The following FBH1 variants were observed in gnomAD, a reference collection of about 807,000 sequenced individuals.
FBH1 encodes the protein F-box DNA helicase 1.
In FBH1, 43 loss-of-function variants were observed where a neutral mutation model predicts 115.5. That is an observed-to-expected ratio of 0.37 (90% confidence interval 0.29 to 0.48). FBH1 has a LOEUF of 0.48. Among genes scored for constraint, FBH1 ranks in the 20% least tolerant of loss-of-function variants. The pLI is 0.99. For missense variants in FBH1, 1,001 were observed against 1,337.3 expected (o/e 0.75, Z 3.92); for synonymous variants, 524 against 507.8 (o/e 1.03, Z -0.43).
rs1469364847 is a variant in FBH1 at position 5,924,835 on chromosome 10, G to T, written c.2596+327G>T. ...CCCACCTCGACCTCCCAAAGTGCTAGAATTACAGGCGTGAGCCACTGCGCC... is the reference window on the plus strand; with the variant it reads ...CCCACCTCGACCTCCCAAAGTGCTATAATTACAGGCGTGAGCCACTGCGCC... On this transcript the variant is annotated intron_variant, in intron 17 of 20. Transcript: ENST00000362091. This position sits in a 1 kb window ranked among gnomAD's most constrained non-coding sequence, Gnocchi z 6.2. 4 of 451,112 alleles carry T rather than the reference G, an allele frequency of 8.9e-6. No individual in the cohort carries two copies. The highest frequency in any genetic ancestry group is 8.0e-5 in the African/African-American group (4 of 50,280). The allele number at this position is 451,112 out of a possible 1,614,324, so 27.9% of individuals were successfully genotyped here. A position where few individuals can be genotyped will look rare whatever the true frequency, so the allele number is the denominator to read the frequency against.
upstream of FBH1, chr10:5,890,030 A>C: frequency 3.7e-6 from 1 of 270,956 alleles, no homozygotes; most frequent in Non-Finnish European, 6.9e-6. Flanking sequence ...CCCGAGCGGA[A>C]GCGCGGATGG....
rs1055383533 is a variant in FBH1, at chr10:5,924,109, C to T, written c.2399-202C>T. On this transcript the variant is annotated intron_variant, in intron 16 of 20. Coordinates refer to ENST00000362091, the MANE Select transcript of FBH1 (RefSeq NM_178150.3). The surrounding 1 kb of genome is among the most constrained non-coding windows in gnomAD (Gnocchi z 6.2). ...ATCTTGAGCCGAGGGCTTTGCTCCT[C>T]AGTCGGAGACGGAGAGGCTACTGCA... 7 of 599,018 alleles carry T rather than the reference C, an allele frequency of 1.2e-5. No homozygotes were observed. Among genetic ancestry groups the T allele is most frequent in the African/African-American group, 7.4e-5 (4 of 53,844 alleles). 37.1% of individuals were successfully genotyped at this position (599,018 alleles called of 1,614,324 possible).
chr10:5,924,328 G>A lies in FBH1; in HGVS notation c.2416G>A (p.Asp806Asn), dbSNP rs767890181. 1.2e-6 allele frequency: 2 copies of A among 1,614,228 alleles called. No individual in the cohort carries two copies. Among genetic ancestry groups the A allele is most frequent in the South Asian group, 2.2e-5 (2 of 91,086 alleles). Residue 806 changes from aspartate to asparagine, a missense_variant, in exon 17 of 21, where the codon GAC becomes AAC. By Grantham distance (23) the Asp-to-Asn change is conservative (BLOSUM62 1). Coordinates refer to ENST00000362091, the MANE Select transcript of FBH1 (RefSeq NM_178150.3). This position sits in a 1 kb window ranked among gnomAD's most constrained non-coding sequence, Gnocchi z 6.2. Reference protein sequence around the residue: ...ERRKQNLVIKDKFIRRWVHKE... With the variant: ...ERRKQNLVIKNKFIRRWVHKE... ...CTTCTTAGAAAACCTCGTCATTAAAGACAAATTTATCAGAAGATGGGTGCA... is the reference window on the plus strand; with the variant it reads ...CTTCTTAGAAAACCTCGTCATTAAAAACAAATTTATCAGAAGATGGGTGCA...
chr10:5,890,139 G>T, upstream of FBH1: 1 of 325,668 alleles, frequency 3.1e-6, no homozygotes, highest in South Asian at 1.5e-4. Flanking sequence ...CTCGCGTCCC[G>T]ATTGGTCGCG....
intron 19 of FBH1, among the ~76,000 whole-genome samples, chr10:5,930,076 A>T (rs973733279): frequency 2.6e-5 from 4 of 151,926 alleles, no homozygotes; most frequent in African/African-American, 9.7e-5. Flanking sequence ...ATTTTGAGAC[A>T]TTAAAAAGTA....
chr10:5,891,416 A>G (rs1229303395), intron 1 of FBH1, among the ~76,000 whole-genome samples: 3 of 152,236 alleles, frequency 2.0e-5, no homozygotes, highest in African/African-American at 7.2e-5. Flanking sequence ...ACAAAAGTGT[A>G]GGGCGTGCCA....
Position 5,908,811 on chromosome 10 carries a change from A to G in FBH1, c.754-114A>G. On this transcript the variant is annotated intron_variant, in intron 3 of 20. Transcript: ENST00000362091. The stretch of plus-strand genomic sequence containing the variant: ...TTTTCAGTAGAGACGGGGCTTCACC[A>G]TGTTGGCCATGCTAGTCTCAAACTC... 6 of 1,197,086 alleles carry G rather than the reference A, an allele frequency of 5.0e-6. No individual in the cohort carries two copies. The South Asian group carries it at 6.7e-5, about 13-fold the overall frequency. 74.2% of individuals were successfully genotyped at this position (1,197,086 alleles called of 1,614,324 possible). A position where few individuals can be genotyped will look rare whatever the true frequency, so the allele number is the denominator to read the frequency against.
At chr10:5,902,348 AAG>A (rs1325658011) in intron 1 of FBH1, among the ~76,000 whole-genome samples, 3 of 152,286 alleles carry the variant, frequency 2.0e-5, no homozygotes, top group South Asian at 4.1e-4. Flanking sequence ...TTTAACAAAA[AAG>A]AAAGTTATAA....
rs950939263 is a variant in FBH1 at position 5,905,549 on chromosome 10, A to G, written c.158-488A>G. Among the ~76,000 whole-genome samples the G allele has an allele frequency of 5.9e-5, 9 of 152,336 alleles. No homozygotes were observed. In the East Asian group the frequency reaches 1.7e-3, roughly 29 times the overall value. ...AAATAAATACATAAATAAAAAAGAA[A>G]TAAAAATAAAAGTTTTAGCACTGTC... On this transcript the variant is annotated intron_variant, in intron 2 of 20. Coordinates refer to ENST00000362091, the MANE Select transcript of FBH1 (RefSeq NM_178150.3).
Position 5,911,070 on chromosome 10 carries a change from T to G in FBH1, c.1153T>G (p.Tyr385Asp). 1 of 1,613,566 alleles carries G rather than the reference T, an allele frequency of 6.2e-7. No individual in the cohort carries two copies. Among genetic ancestry groups the G allele is most frequent in the Non-Finnish European group, 8.5e-7 (1 of 1,180,000 alleles). The change falls in exon 6 of 21, where the codon TAC becomes GAC. Residue 385 changes from tyrosine to aspartate, a missense_variant. This residue lies in a region of FBH1 where 59 missense variants were observed against 79.7 expected (regional missense o/e 0.74). Transcript: ENST00000362091. The surrounding 1 kb of genome is among the most constrained non-coding windows in gnomAD (Gnocchi z 5.4). ...CATGCCAGATGTCACCGAGACCCTG[T>G]ACTGCATAGCCGTGCTTCTCTACGC... The part of the protein sequence containing the change: ...VTMPDVTETL[Y>D]CIAVLLYAMR...
Position 5,918,242 on chromosome 10 carries a change from G to A in FBH1, c.1964-100G>A, listed in dbSNP as rs769462117. ...GGAAAAGGCGACCGTGAGGTCCAGT[G>A]TGCCCTGGCTTAGCTTCGTGGAAGT... On this transcript the variant is annotated intron_variant, in intron 12 of 20. Coordinates refer to ENST00000362091, the MANE Select transcript of FBH1 (RefSeq NM_178150.3). This position sits in a 1 kb window ranked among gnomAD's most constrained non-coding sequence, Gnocchi z 4.0. 6.9e-7 allele frequency: 1 copy of A among 1,454,108 alleles called. No homozygotes were observed. The highest frequency in any genetic ancestry group is 9.3e-7 in the Non-Finnish European group (1 of 1,069,630). The allele number at this position is 1,454,108 out of a possible 1,614,324, so 90.1% of individuals were successfully genotyped here.
intron 1 of FBH1, among the ~76,000 whole-genome samples, chr10:5,892,654 A>G (rs685852): frequency 0.42 from 63,699 of 152,128 alleles, 14,887 homozygotes; most frequent in East Asian, 0.68. Flanking sequence ...TATTTTTAAA[A>G]CTAGGACTTT....
Position 5,906,620 on chromosome 10 carries a change from C to T in FBH1, c.741C>T (p.Ile247=), listed in dbSNP as rs1843707187. The T allele has an allele frequency of 6.2e-7, 1 of 1,605,934 alleles. No homozygotes were observed. Among genetic ancestry groups the T allele is most frequent in the African/African-American group, 1.3e-5 (1 of 74,854 alleles). The change falls in exon 3 of 21, where the codon ATC becomes ATT. Residue 247 remains isoleucine (I), a synonymous_variant. Coordinates refer to ENST00000362091, the MANE Select transcript of FBH1 (RefSeq NM_178150.3). This position sits in a 1 kb window ranked among gnomAD's most constrained non-coding sequence, Gnocchi z 7.3. ...TGTGCCACTTGTGGAGGGAGATCATCAGTGACCCGCTGGTGAGTGAGTGCT... is the reference window on the plus strand; with the variant it reads ...TGTGCCACTTGTGGAGGGAGATCATTAGTGACCCGCTGGTGAGTGAGTGCT... ...SLVCHLWREI[I]SDPLFIPWKK... is the part of the protein sequence containing the mutation.
chr10:5,892,657 A>C (rs898430125), intron 1 of FBH1, among the ~76,000 whole-genome samples: 1 of 152,254 alleles, frequency 6.6e-6, no homozygotes, highest in African/African-American at 2.4e-5. Flanking sequence ...TTTTAAAACT[A>C]GGACTTTCAG....
At chr10:5,892,236 T>G (rs1223071988) in intron 1 of FBH1, among the ~76,000 whole-genome samples, 1 of 152,236 alleles carries the variant, frequency 6.6e-6, no homozygotes, top group Non-Finnish European at 1.5e-5. Context: ...GTAGTCGTCA[T>G]TGGCACCGAC....
intron 1 of FBH1, among the ~76,000 whole-genome samples, chr10:5,893,048 G>C (rs1316189993): frequency 6.6e-6 from 1 of 152,258 alleles, no homozygotes; most frequent in Non-Finnish European, 1.5e-5. Flanking sequence ...GCTGACGCCT[G>C]TAATCCTACC....
chr10:5,919,399 T>C (rs1435833594), intron 13 of FBH1, among the ~76,000 whole-genome samples: 13 of 152,186 alleles, frequency 8.5e-5, no homozygotes, highest in Non-Finnish European at 1.5e-5. Context: ...GGCAGGAGAA[T>C]CACTTGAACC....
At chr10:5,896,874 C>G (rs778409810) in intron 1 of FBH1, among the ~76,000 whole-genome samples, 3 of 152,054 alleles carry the variant, frequency 2.0e-5, no homozygotes, top group Non-Finnish European at 4.4e-5. Context: ...GGGAGGCATA[C>G]CATGAGCTTT....
At position 5,935,429 on chromosome 10, in the gene FBH1, T is replaced by TA. The variant is rs1350298301; in HGVS notation, c.2830-1024dup. On this transcript the variant is annotated intron_variant, in intron 19 of 20. Coordinates refer to ENST00000362091, the MANE Select transcript of FBH1 (RefSeq NM_178150.3). This position sits in a 1 kb window ranked among gnomAD's most constrained non-coding sequence, Gnocchi z 5.2. The stretch of plus-strand genomic sequence containing the variant: ...GGAGACCTGTGTCCTTGGACACGTG[T>TA]AAACGAGAAGCTATTTCACCGTGGG... 2 of 152,222 alleles carry TA rather than the reference T, an allele frequency of 1.3e-5. No homozygotes were observed. Among genetic ancestry groups the TA allele is most frequent in the Admixed American group, 6.5e-5 (1 of 15,278 alleles). 9.4% of individuals were successfully genotyped at this position (152,222 alleles called of 1,614,324 possible).
Sources: gnomAD v4.1 joint callset for allele counts (sites outside exome capture counted in the v4.1 genomes callset) on GRCh38, gnomAD v4.1.1 for gene constraint, gnomAD v4.1.1 regional missense constraint, Gnocchi (gnomAD v3.1) non-coding constraint, MANE v1.5 for transcripts, NCBI Gene and HGNC (gene_info 2026-07-23, HGNC 2026-07-21) for gene names.